Variants in DPYD observed in about 807,000 individuals in gnomAD.
DPYD encodes the protein dihydropyrimidine dehydrogenase.
DPYD carries 109 observed loss-of-function variants against 116.2 expected under a neutral mutation model. That is an observed-to-expected ratio of 0.94 (90% CI 0.80 to 1.10). The LOEUF (loss-of-function observed/expected upper bound fraction) is 1.10, where lower values mean the gene tolerates loss of function less well. Among genes scored for constraint, DPYD ranks in the 50% least tolerant of loss-of-function variants. The pLI, the probability that DPYD is intolerant of heterozygous loss-of-function variation, is 0.00. For missense variants in DPYD, 1,302 were observed against 1,254.5 expected (o/e 1.04, Z -0.57); for synonymous variants, 440 against 432.0 (o/e 1.02, Z -0.23).
At chr1:97,829,952 T>A (rs1669448770) in intron 2 of DPYD, among the ~76,000 whole-genome samples, 1 of 150,694 alleles carries the variant, frequency 6.6e-6, no homozygotes, top group Admixed American at 6.6e-5. Flanking sequence ...CCTGTGTCCA[T>A]GTGTTCTCAT....
chr1:97,523,204 G>A (rs926400525), intron 12 of DPYD, among the ~76,000 whole-genome samples: 1 of 152,136 alleles, frequency 6.6e-6, no homozygotes, highest in Non-Finnish European at 1.5e-5. Context: ...GGAGATTAAG[G>A]AAAAGCTAAA....
intron 14 of DPYD, among the ~76,000 whole-genome samples, chr1:97,423,369 T>C (rs1366788832): frequency 6.6e-6 from 1 of 152,034 alleles, no homozygotes; most frequent in Admixed American, 6.6e-5. Context: ...GGTGTGATTA[T>C]GGCTAAGTGG....
At chr1:97,192,134 G>A (rs1658416874) in intron 20 of DPYD, among the ~76,000 whole-genome samples, 1 of 151,862 alleles carries the variant, frequency 6.6e-6, no homozygotes, top group South Asian at 2.1e-4. Context: ...CTATCTATTA[G>A]GAGAGGGACA....
intron 8 of DPYD, among the ~76,000 whole-genome samples, chr1:97,648,033 G>C (rs1658373702): frequency 6.6e-6 from 1 of 151,906 alleles, no homozygotes; most frequent in Non-Finnish European, 1.5e-5. Flanking sequence ...CAGAAACACA[G>C]AAAGTTATTA....
chr1:97,666,749 T>C (rs796839354), intron 8 of DPYD, among the ~76,000 whole-genome samples: 9 of 152,280 alleles, frequency 5.9e-5, no homozygotes, highest in African/African-American at 2.2e-4. Context: ...AATTCAGCTA[T>C]TTTAAAGTTC....
intron 3 of DPYD, among the ~76,000 whole-genome samples, chr1:97,761,529 T>C (rs192689122): frequency 6.6e-6 from 1 of 152,242 alleles, no homozygotes; most frequent in African/African-American, 2.4e-5. Context: ...AAGTAACAGA[T>C]GCTGGCAAGG....
chr1:97,691,833 T>C (rs770436026), intron 6 of DPYD, 35 bp from the exon 7 acceptor site: 7 of 1,565,890 alleles, frequency 4.5e-6, no homozygotes, highest in African/African-American at 4.1e-5. Flanking sequence ...CAGGCATCAG[T>C]AGAAAAATGA....
intron 8 of DPYD, among the ~76,000 whole-genome samples, chr1:97,674,442 G>A (rs1020465492): frequency 1.1e-4 from 17 of 152,134 alleles, no homozygotes; most frequent in African/African-American, 3.4e-4. Context: ...ACCTAAATGT[G>A]TCTTACTGGA....
intron 18 of DPYD, among the ~76,000 whole-genome samples, chr1:97,294,249 AT>A (rs1441202422): frequency 6.6e-5 from 10 of 152,254 alleles, no homozygotes; most frequent in African/African-American, 2.4e-4. Flanking sequence ...CTCACACCAT[AT>A]CATGACAGAT....
At chr1:97,753,600 G>A (rs142494453) in intron 3 of DPYD, among the ~76,000 whole-genome samples, 1 of 151,980 alleles carries the variant, frequency 6.6e-6, no homozygotes, top group Non-Finnish European at 1.5e-5. Flanking sequence ...TTTTATATAT[G>A]ACTGAATTTA....
intron 21 of DPYD, among the ~76,000 whole-genome samples, chr1:97,091,760 T>C (rs1649912844): frequency 6.6e-6 from 1 of 152,172 alleles, no homozygotes; most frequent in South Asian, 2.1e-4. Flanking sequence ...CATTATCCAG[T>C]ATATATTTTC....
chr1:97,798,940 G>A (rs1667718980), intron 3 of DPYD, among the ~76,000 whole-genome samples: 1 of 151,964 alleles, frequency 6.6e-6, no homozygotes, highest in South Asian at 2.1e-4. Flanking sequence ...GTCCAGCCTT[G>A]CCACTTATGA....
At chr1:97,265,752 A>T (rs1380258622) in intron 18 of DPYD, among the ~76,000 whole-genome samples, 3 of 152,080 alleles carry the variant, frequency 2.0e-5, no homozygotes, top group Non-Finnish European at 4.4e-5. Flanking sequence ...TTTAAATACA[A>T]TTTTTTCTTT....
At chr1:97,484,919 T>C (rs1678534471) in intron 13 of DPYD, among the ~76,000 whole-genome samples, 1 of 152,248 alleles carries the variant, frequency 6.6e-6, no homozygotes, top group Non-Finnish European at 1.5e-5. Flanking sequence ...TCATCTCTTA[T>C]GTTAGACTAT....
At chr1:97,533,908 C>G (rs2102032592) in intron 12 of DPYD, among the ~76,000 whole-genome samples, 1 of 152,076 alleles carries the variant, frequency 6.6e-6, no homozygotes, top group South Asian at 2.1e-4. Flanking sequence ...AACTACAAAC[C>G]CCAAGCATGC....
chr1:97,837,259 T>G (rs1669813080), intron 2 of DPYD, among the ~76,000 whole-genome samples: 1 of 152,140 alleles, frequency 6.6e-6, no homozygotes, highest in Admixed American at 6.5e-5. Context: ...GTTTCAAGAC[T>G]CCATAAACGG....
chr1:97,395,046 A>G (rs1488284078), intron 14 of DPYD, among the ~76,000 whole-genome samples: 2 of 151,862 alleles, frequency 1.3e-5, no homozygotes, highest in Non-Finnish European at 2.9e-5. Flanking sequence ...TCATGTAGAC[A>G]TTGCCTTCTG....
chr1:97,234,569 C>T lies in DPYD; in HGVS notation c.2442+283G>A, dbSNP rs11808108. Among the ~76,000 whole-genome samples, 3,238 of 152,154 alleles carry T rather than the reference C, an allele frequency of 0.021. 107 individuals are homozygous for T. Among genetic ancestry groups the T allele is most frequent in the African/African-American group, 0.068 (2,812 of 41,498 alleles). On this transcript the variant is annotated intron_variant, in intron 19 of 22. Coordinates refer to ENST00000370192, the MANE Select transcript of DPYD (RefSeq NM_000110.4). ...CTCATGTATTGTTTTTCCAGGAGGA[C>T]AGTACTCATTTTGGTACCTGATCTT...
Position 97,315,399 on chromosome 1 carries a change from C to A in DPYD, c.2059-9102G>T, listed in dbSNP as rs1667768918. Among the ~76,000 whole-genome samples, 3 of 120,082 alleles carry A rather than the reference C, an allele frequency of 2.5e-5. No homozygotes were observed. The South Asian group carries it at 9.0e-4, about 36-fold the overall frequency. The allele number at this position is 120,082 out of a possible 152,430, so 78.8% of individuals were successfully genotyped here. A position where few individuals can be genotyped will look rare whatever the true frequency, so the allele number is the denominator to read the frequency against. On this transcript the variant is annotated intron_variant, in intron 16 of 22. Transcript: ENST00000370192. ...GCACTTTTTGTCCTGAAGCTCCCTA[C>A]TGGGCTAGCAAAGACTTTTCTTGTG...
Sources: gnomAD v4.1 joint callset for allele counts (sites outside exome capture counted in the v4.1 genomes callset) on GRCh38, gnomAD v4.1.1 for gene constraint, MANE v1.5 for transcripts, NCBI Gene and HGNC (gene_info 2026-07-23, HGNC 2026-07-21) for gene names.